SNTG2: variants seen among roughly 807,000 people sequenced by gnomAD.
The protein encoded by SNTG2 is gamma-2-syntrophin.
A neutral mutation model predicts 70.9 loss-of-function variants in SNTG2; 74 were observed. The observed-to-expected ratio is 1.04, with a 90% confidence interval of 0.86 to 1.27. The LOEUF (loss-of-function observed/expected upper bound fraction) is 1.27. SNTG2 is among the 50% of genes most tolerant of loss of function. The pLI, the probability that SNTG2 is intolerant of heterozygous loss-of-function variation, is 0.00. For missense variants in SNTG2, 717 were observed against 690.7 expected (o/e 1.04, Z -0.43); for synonymous variants, 278 against 273.8 (o/e 1.02, Z -0.15).
In SNTG2 at chr2:1,282,296, A is replaced by G. The variant is rs574210759; in HGVS notation, c.1284+14725A>G. Among the ~76,000 whole-genome samples, 8 of 152,240 alleles carry G rather than the reference A, an allele frequency of 5.3e-5. No individual in the cohort carries two copies. In the East Asian group the frequency reaches 1.5e-3, roughly 29 times the overall value. On this transcript the variant is annotated intron_variant, in intron 14 of 16. Transcript: ENST00000308624. The stretch of plus-strand genomic sequence containing the variant: ...ATATAAAAGCCCATTTTCATTCCAT[A>G]CTACTAGCACAATATAAATACTATA...
chr2:1,305,857 C>A (rs1029151262), intron 14 of SNTG2, among the ~76,000 whole-genome samples: 2 of 152,088 alleles, frequency 1.3e-5, no homozygotes, highest in African/African-American at 4.8e-5. Context: ...TGTCCTGTGC[C>A]GTAAAGATGG....
At chr2:1,121,086 A>G (rs1667347008) in intron 4 of SNTG2, among the ~76,000 whole-genome samples, 1 of 151,986 alleles carries the variant, frequency 6.6e-6, no homozygotes, top group Admixed American at 6.6e-5. Context: ...ACTAAAAATC[A>G]GTAACAGGAG....
chr2:1,192,638 G>A (rs542832765), intron 8 of SNTG2, among the ~76,000 whole-genome samples: 49 of 152,106 alleles, frequency 3.2e-4, no homozygotes, highest in African/African-American at 1.2e-3. Context: ...AATGTGAGAC[G>A]GGCTTCCTTC....
intron 16 of SNTG2, among the ~76,000 whole-genome samples, chr2:1,358,992 T>C (rs77089002): frequency 1.3e-5 from 2 of 152,212 alleles, no homozygotes; most frequent in Non-Finnish European, 2.9e-5. Context: ...TGTCAATGTT[T>C]GTTTCATACA....
intron 11 of SNTG2, among the ~76,000 whole-genome samples, chr2:1,246,529 C>T (rs1029733927): frequency 2.0e-5 from 3 of 152,156 alleles, no homozygotes; most frequent in Non-Finnish European, 4.4e-5. Flanking sequence ...GCTCATCGGT[C>T]AGTGTCATTT....
intron 14 of SNTG2, among the ~76,000 whole-genome samples, chr2:1,269,646 G>A (rs1678916997): frequency 1.3e-5 from 2 of 152,166 alleles, no homozygotes; most frequent in Non-Finnish European, 2.9e-5. Context: ...TTGCACAGGT[G>A]GAGAAGAGAA....
chr2:1,188,428 T>G (rs1672378664), intron 8 of SNTG2, among the ~76,000 whole-genome samples: 1 of 149,926 alleles, frequency 6.7e-6, no homozygotes, highest in South Asian at 2.1e-4. Flanking sequence ...TAGGTAAGAG[T>G]CAGAGGCCTA....
intron 1 of SNTG2, among the ~76,000 whole-genome samples, chr2:1,028,029 T>C (rs886411831): frequency 2.6e-5 from 4 of 151,266 alleles, no homozygotes. Flanking sequence ...AAGTAACTCA[T>C]GCATCTCTGT....
At chr2:1,099,552 G>T (rs147206607) in intron 4 of SNTG2, among the ~76,000 whole-genome samples, 795 of 34,558 alleles carry the variant, frequency 0.023, 4 homozygotes, top group Middle Eastern at 0.14. Context: ...GTCCCAGGCT[G>T]GGGAAGCCTT....
chr2:1,204,889 C>T (rs1332221681), intron 8 of SNTG2, among the ~76,000 whole-genome samples: 1 of 152,088 alleles, frequency 6.6e-6, no homozygotes, highest in Non-Finnish European at 1.5e-5. Context: ...CAGAAAGGCT[C>T]AGAAGCCTCC....
chr2:1,254,545 T>C (rs906292146), intron 12 of SNTG2, among the ~76,000 whole-genome samples: 1 of 152,212 alleles, frequency 6.6e-6, no homozygotes, highest in East Asian at 1.9e-4. Context: ...ATTACATAGG[T>C]ATATTCTATC....
At chr2:1,168,936 G>A (rs989579677) in intron 7 of SNTG2, among the ~76,000 whole-genome samples, 7 of 152,148 alleles carry the variant, frequency 4.6e-5, no homozygotes, top group Non-Finnish European at 7.3e-5. Flanking sequence ...TGTCACACGC[G>A]GCACAGTGGT....
At chr2:984,751 C>T (rs1381958849) in intron 1 of SNTG2, among the ~76,000 whole-genome samples, 6 of 152,162 alleles carry the variant, frequency 3.9e-5, no homozygotes, top group Admixed American at 6.5e-5. Flanking sequence ...GTGTTCTCAG[C>T]GGGGAAGACG....
intron 9 of SNTG2, among the ~76,000 whole-genome samples, chr2:1,236,960 T>TTTTG (rs58663250): frequency 6.6e-6 from 1 of 152,018 alleles, no homozygotes; most frequent in African/African-American, 2.4e-5. Context: ...CTTTTTTTTT[T>TTTTG]CAGATAGGGT....
Position 1,091,493 on chromosome 2 carries a change from A to G in SNTG2, c.211-6703A>G, listed in dbSNP as rs1558388466. Among the ~76,000 whole-genome samples the G allele has an allele frequency of 3.3e-5, 5 of 152,298 alleles. No individual in the cohort carries two copies. The South Asian group carries it at 1.0e-3, about 32-fold the overall frequency. ...GAGACTCTGATGCCAGGACGCAAAC[A>G]TCATAAGGTCATGGCGGCCGGGGGC... On this transcript the variant is annotated intron_variant, in intron 2 of 16. Transcript: ENST00000308624.
At chr2:986,722 G>T (rs1254908015) in intron 1 of SNTG2, among the ~76,000 whole-genome samples, 1 of 149,118 alleles carries the variant, frequency 6.7e-6, no homozygotes, top group Non-Finnish European at 1.5e-5. Flanking sequence ...TTAAATAGAG[G>T]GTTCGTTCTT....
chr2:1,154,290 T>C (rs1184489706), intron 6 of SNTG2, among the ~76,000 whole-genome samples: 1 of 151,878 alleles, frequency 6.6e-6, no homozygotes, highest in Non-Finnish European at 1.5e-5. Context: ...GGCACGGGCG[T>C]GGAGATGGCA....
At chr2:1,231,828 ACACT>A (rs1170266006) in intron 9 of SNTG2, among the ~76,000 whole-genome samples, 1 of 152,044 alleles carries the variant, frequency 6.6e-6, no homozygotes, top group Non-Finnish European at 1.5e-5. Context: ...CACAAAGCAA[ACACT>A]CACGTGTGCC....
chr2:1,206,662 A>G (rs2147984300), intron 8 of SNTG2, among the ~76,000 whole-genome samples: 1 of 152,268 alleles, frequency 6.6e-6, no homozygotes, highest in South Asian at 2.1e-4. Flanking sequence ...CCAAGTGAAA[A>G]GCGTCCTATG....
Sources: allele counts gnomAD v4.1 joint callset (sites outside exome capture counted in the v4.1 genomes callset), GRCh38; gene constraint gnomAD v4.1.1; transcripts MANE v1.5; gene names NCBI Gene and HGNC (gene_info 2026-07-23, HGNC 2026-07-21).